The following LDAH variants were observed in gnomAD, a reference collection of about 807,000 sequenced individuals.
The protein encoded by LDAH is lipid droplet-associated hydrolase.
In LDAH, 26 loss-of-function variants were observed where a neutral mutation model predicts 29.6. That is an observed-to-expected ratio of 0.88 (90% confidence interval 0.64 to 1.22). The LOEUF is 1.22. Among genes scored for constraint, LDAH ranks in the 50% most tolerant of loss-of-function variants. LDAH has a pLI of 0.00. For missense variants in LDAH, 344 were observed against 387.3 expected, an observed-to-expected ratio of 0.89 and a Z score of 0.94; for synonymous variants, 117 against 133.0, an observed-to-expected ratio of 0.88 and a Z score of 0.83.
At chr2:20,739,937 G>T in intron 5 of LDAH, 34 bp downstream of exon 5, 1 of 1,493,230 alleles carries the variant, frequency 6.7e-7, no homozygotes, top group Non-Finnish European at 9.3e-7. Context: ...TGTGATACAA[G>T]AATAAACATA....
chr2:20,718,233 A>G (rs924200008), intron 5 of LDAH, among the ~76,000 whole-genome samples: 3 of 152,204 alleles, frequency 2.0e-5, no homozygotes, highest in African/African-American at 7.2e-5. Flanking sequence ...GAATGGATTA[A>G]AAAACAAGAC....
chr2:20,706,923 G>GT (rs1229108743), intron 5 of LDAH, among the ~76,000 whole-genome samples: 9 of 152,284 alleles, frequency 5.9e-5, no homozygotes, highest in Middle Eastern at 3.4e-3. Flanking sequence ...TGCATTAATT[G>GT]TTTTTTATTG....
At position 20,773,530 on chromosome 2, in the gene LDAH, T is replaced by C. The variant is rs1572599656; in HGVS notation, c.468+1280A>G. ...GGAAAAATAAAGCCTGCATTCTGAT[T>C]AAGACACCTTATTTAGGGAAAAAAC... On this transcript the variant is annotated intron_variant, in intron 4 of 6. Coordinates refer to ENST00000237822, the MANE Select transcript of LDAH (RefSeq NM_021925.4). 2.0e-5 allele frequency among the ~76,000 whole-genome samples: 3 copies of C among 152,288 alleles called. 1 individual carries two copies. The highest frequency in any genetic ancestry group is 7.2e-5 in the African/African-American group (3 of 41,558).
rs1453037439 is a variant in LDAH, at chr2:20,789,220, A to AGGT, written c.298+1032_298+1034dup. The AGGT allele has an allele frequency of 1.5e-4, 229 of 1,550,384 alleles. 1 individual carries two copies. Among genetic ancestry groups the AGGT allele is most frequent in the Non-Finnish European group, 1.9e-4 (223 of 1,147,000 alleles). ...AACCCTATGCCCAAATGCTATTAAG[A>AGGT]GGTGGAGAGGGGTCTTTGGGAAGTA... On this transcript the variant is annotated intron_variant, in intron 3 of 6. Coordinates refer to ENST00000237822, the MANE Select transcript of LDAH (RefSeq NM_021925.4).
chr2:20,818,603 A>G (rs1673023905), intron 1 of LDAH, among the ~76,000 whole-genome samples: 1 of 151,694 alleles, frequency 6.6e-6, no homozygotes, highest in Non-Finnish European at 1.5e-5. Context: ...TTTGCAAATT[A>G]TATTCTCTTC....
rs375784779 is a variant in LDAH, at chr2:20,775,335, G to A, written c.299-356C>T. 4.6e-5 allele frequency among the ~76,000 whole-genome samples: 7 copies of A among 152,230 alleles called. No individual in the cohort carries two copies. The East Asian group carries it at 1.4e-3, about 29-fold the overall frequency. ...GTATTACTGTTAGCTTAGGCCAGTG[G>A]TTCTCAAACTTGAGCATACATCAGA... is the stretch of plus-strand genomic sequence containing the variant. On this transcript the variant is annotated intron_variant, in intron 3 of 6. Coordinates refer to ENST00000237822, the MANE Select transcript of LDAH (RefSeq NM_021925.4).
chr2:20,761,531 A>C (rs1002765788), intron 4 of LDAH, among the ~76,000 whole-genome samples: 1 of 152,188 alleles, frequency 6.6e-6, no homozygotes, highest in African/African-American at 2.4e-5. Flanking sequence ...CTAATGACTT[A>C]TTTGTTCTTT....
intron 4 of LDAH, among the ~76,000 whole-genome samples, chr2:20,766,260 A>T: frequency 6.6e-6 from 1 of 152,288 alleles, no homozygotes; most frequent in African/African-American, 2.4e-5. Flanking sequence ...TTCATTGGTC[A>T]CAAACAGACG....
In LDAH at chr2:20,779,567, T is replaced by C. The variant is rs567759009; in HGVS notation, c.299-4588A>G. On this transcript the variant is annotated intron_variant, in intron 3 of 6. Transcript: ENST00000237822. ...CATGCTATACATATATATAAATATA[T>C]ATAACTACAAACATAAAAAGAGACA... Among the ~76,000 whole-genome samples the C allele has an allele frequency of 1.2e-3, 176 of 151,926 alleles. 3 individuals are homozygous for C. The highest frequency in any genetic ancestry group is 4.0e-3 in the African/African-American group (167 of 41,362).
intron 6 of LDAH, among the ~76,000 whole-genome samples, chr2:20,699,142 A>C (rs1438433654): frequency 6.6e-6 from 1 of 152,260 alleles, no homozygotes; most frequent in Non-Finnish European, 1.5e-5. Flanking sequence ...GCTGAGATAC[A>C]GGAAATGATT....
intron 5 of LDAH, among the ~76,000 whole-genome samples, chr2:20,707,409 T>C (rs1190035018): frequency 1.3e-5 from 2 of 152,220 alleles, no homozygotes; most frequent in African/African-American, 4.8e-5. Flanking sequence ...CTTTCAAGAA[T>C]TCTAAGTAGC....
intron 5 of LDAH, among the ~76,000 whole-genome samples, chr2:20,739,630 G>A (rs1323531815): frequency 6.6e-6 from 1 of 152,082 alleles, no homozygotes; most frequent in African/African-American, 2.4e-5. Flanking sequence ...GCTGTTTTTC[G>A]TAAAGTACTC....
Position 20,686,629 on chromosome 2 carries a change from T to C in LDAH, c.*274A>G, listed in dbSNP as rs1662573361. 7.8e-6 allele frequency: 2 copies of C among 256,562 alleles called. No homozygotes were observed. The highest frequency in any genetic ancestry group is 1.5e-5 in the Non-Finnish European group (2 of 136,312). 15.9% of individuals were successfully genotyped at this position (256,562 alleles called of 1,614,324 possible). On this transcript the variant is annotated 3_prime_UTR_variant, in exon 7 of 7. Transcript: ENST00000237822. ...ATCCTGCCTACCAAAATAAACCATA[T>C]GGTGCCACTGGGCATCTTGTGCAAA...
intron 5 of LDAH, among the ~76,000 whole-genome samples, chr2:20,739,705 C>T (rs1572517568): frequency 2.0e-5 from 3 of 152,196 alleles, no homozygotes; most frequent in Admixed American, 1.3e-4. Flanking sequence ...GTACTATATG[C>T]GGAAGAAGTG....
intron 1 of LDAH, among the ~76,000 whole-genome samples, chr2:20,818,690 C>A (rs1055739972): frequency 7.9e-5 from 12 of 151,840 alleles, no homozygotes; most frequent in Non-Finnish European, 1.3e-4. Flanking sequence ...ATTTTTTGTT[C>A]AAGGACATAA....
In LDAH at chr2:20,823,043, A is replaced by C. The variant is rs1041826872; in HGVS notation, c.-9T>G. 1.3e-5 allele frequency: 2 copies of C among 152,262 alleles called. No individual in the cohort carries two copies. The highest frequency in any genetic ancestry group is 2.9e-5 in the Non-Finnish European group (2 of 68,168). 9.4% of individuals were successfully genotyped at this position (152,262 alleles called of 1,614,324 possible). On this transcript the variant is annotated 5_prime_UTR_variant, in exon 1 of 7. Transcript: ENST00000237822. The stretch of plus-strand genomic sequence containing the variant: ...TCGGCAAGCTGTACCTCACCTGTCC[A>C]CCTGGAAGGCTGCCCGCTCTCCCTG...
chr2:20,688,643 G>A (rs1489029551), intron 6 of LDAH, among the ~76,000 whole-genome samples: 1 of 152,158 alleles, frequency 6.6e-6, no homozygotes, highest in Non-Finnish European at 1.5e-5. Flanking sequence ...ATATGGGACA[G>A]ATGAGACTGA....
At chr2:20,722,723 G>A (rs1665747821) in intron 5 of LDAH, among the ~76,000 whole-genome samples, 1 of 152,110 alleles carries the variant, frequency 6.6e-6, no homozygotes, top group African/African-American at 2.4e-5. Flanking sequence ...CAACTATTAT[G>A]TAATCAAAGA....
At chr2:20,752,051 C>T (rs1384765574) in intron 4 of LDAH, among the ~76,000 whole-genome samples, 1 of 151,964 alleles carries the variant, frequency 6.6e-6, no homozygotes, top group African/African-American at 2.4e-5. Flanking sequence ...GCCACCACAC[C>T]AGGCTAATTT....
Sources: allele counts gnomAD v4.1 joint callset (sites outside exome capture counted in the v4.1 genomes callset), GRCh38; gene constraint gnomAD v4.1.1; transcripts MANE v1.5; gene names NCBI Gene and HGNC (gene_info 2026-07-23, HGNC 2026-07-21).